The following TXNDC8 variants were observed in gnomAD, a reference collection of about 807,000 sequenced individuals.
TXNDC8 encodes thioredoxin domain containing 8.
In TXNDC8, 15 loss-of-function variants were observed where a neutral mutation model predicts 12.9. That is an observed-to-expected ratio of 1.16 (90% CI 0.78 to 1.79). The LOEUF (loss-of-function observed/expected upper bound fraction) is 1.79, where lower values mean the gene tolerates loss of function less well. Among genes scored for constraint, TXNDC8 ranks in the 40% most tolerant of loss-of-function variants. The pLI, the probability that TXNDC8 is intolerant of heterozygous loss-of-function variation, is 0.00. For synonymous variants in TXNDC8, 40 were observed against 35.4 expected (o/e 1.13, Z -0.46); for missense variants, 128 against 113.2 (o/e 1.13, Z -0.59).
intron 2 of TXNDC8, among the ~76,000 whole-genome samples, chr9:110,326,976 G>GTGAAGACA: frequency 2.6e-5 from 1 of 38,356 alleles, no homozygotes; most frequent in East Asian, 3.9e-4. Context: ...ACACACACAC[G>GTGAAGACA]TGAAGACATA....
chr9:110,305,546 TTTTCTTTCTTTC>T (rs201277248), intron 3 of TXNDC8, among the ~76,000 whole-genome samples: 9,717 of 115,346 alleles, frequency 0.084, 461 homozygotes, highest in East Asian at 0.1. Flanking sequence ...TGTATTTTCT[TTTTCTTTCTTTC>T]TTTCTTTCTT....
In TXNDC8 at chr9:110,326,175, C is replaced by T; in HGVS notation, c.195G>A (p.Lys65=). The T allele has an allele frequency of 6.2e-7, 1 of 1,614,018 alleles. No homozygotes were observed. Among genetic ancestry groups the T allele is most frequent in the Non-Finnish European group, 8.5e-7 (1 of 1,179,940 alleles). The change falls in exon 3 of 5, where the codon AAG becomes AAA. Residue 65 remains lysine (K), a splice_region_variant and synonymous_variant. Coordinates refer to ENST00000423740, the MANE Select transcript of TXNDC8 (RefSeq NM_001286946.2). ...CCTGCTGGTTACCCTGGAAACATACCTTCTGGCTTTTCTTGAACATCTGAA... is the reference window on the plus strand; with the variant it reads ...CCTGCTGGTTACCCTGGAAACATACTTTCTGGCTTTTCTTGAACATCTGAA...
At chr9:110,333,370 T>C (rs1309259638) in intron 2 of TXNDC8, among the ~76,000 whole-genome samples, 1 of 152,152 alleles carries the variant, frequency 6.6e-6, no homozygotes, top group Admixed American at 6.5e-5. Flanking sequence ...TACCTGATGA[T>C]CTGAGGCGGA....
chr9:110,317,650 T>G (rs1838936174), intron 3 of TXNDC8, among the ~76,000 whole-genome samples: 1 of 152,236 alleles, frequency 6.6e-6, no homozygotes, highest in Non-Finnish European at 1.5e-5. Context: ...CTCCCACAGG[T>G]GGGTCACCCC....
At chr9:110,312,571 T>G (rs769368628) in intron 3 of TXNDC8, among the ~76,000 whole-genome samples, 2 of 152,222 alleles carry the variant, frequency 1.3e-5, no homozygotes, top group Non-Finnish European at 2.9e-5. Context: ...CATTTGATGG[T>G]ACAAATCCAT....
At chr9:110,308,465 G>GTTT (rs34752105) in intron 3 of TXNDC8, among the ~76,000 whole-genome samples, 263 of 147,582 alleles carry the variant, frequency 1.8e-3, no homozygotes, top group Middle Eastern at 6.9e-3. Context: ...AGATCACATT[G>GTTT]TTTTTTTTTT....
rs770700342 is a variant in TXNDC8, at chr9:110,329,336, A to G, written c.130-3096T>C. 2.7e-6 allele frequency: 4 copies of G among 1,460,360 alleles called. No individual in the cohort carries two copies. In the African/African-American group the frequency reaches 4.2e-5, roughly 15 times the overall value. 90.5% of individuals were successfully genotyped at this position (1,460,360 alleles called of 1,614,324 possible). A position where few individuals can be genotyped will look rare whatever the true frequency, so the allele number is the denominator to read the frequency against. ...TATTTCCCATTAGTTTGGTGTTAAT[A>G]TTAAAATACACACTGGAAGTGTCTT... On this transcript the variant is annotated intron_variant, in intron 2 of 4. Coordinates refer to ENST00000423740, the MANE Select transcript of TXNDC8 (RefSeq NM_001286946.2).
At position 110,304,543 on chromosome 9, in the gene TXNDC8, G is replaced by C; in HGVS notation, c.196-11C>G. ...TGAGAATAGGGTTACCTAAGTGTGG[G>C]TGCAGAATTTCATAATTTATCTGAG... On this transcript the variant is annotated splice_polypyrimidine_tract_variant and intron_variant, in intron 3 of 4. Coordinates refer to ENST00000423740, the MANE Select transcript of TXNDC8 (RefSeq NM_001286946.2). 6.3e-7 allele frequency: 1 copy of C among 1,597,396 alleles called. No homozygotes were observed. The highest frequency in any genetic ancestry group is 8.6e-7 in the Non-Finnish European group (1 of 1,169,506).
Sources: allele counts gnomAD v4.1 joint callset (sites outside exome capture counted in the v4.1 genomes callset), GRCh38; gene constraint gnomAD v4.1.1; transcripts MANE v1.5; gene names NCBI Gene and HGNC (gene_info 2026-07-23, HGNC 2026-07-21).